The following CTNNBL1 variants were observed in gnomAD, a reference collection of about 807,000 sequenced individuals.
CTNNBL1 encodes catenin beta like 1.
Under a neutral mutation model 72.7 loss-of-function variants are expected in CTNNBL1, and 31 were observed. That is an observed-to-expected ratio of 0.43 (90% CI 0.32 to 0.58). The LOEUF (loss-of-function observed/expected upper bound fraction) is 0.58. Among genes scored for constraint, CTNNBL1 ranks in the 20% least tolerant of loss-of-function variants. The pLI is 0.08. For synonymous variants in CTNNBL1, 240 were observed against 267.3 expected, an observed-to-expected ratio of 0.90 and a Z score of 1.00; for missense variants, 534 against 725.1, an observed-to-expected ratio of 0.74 and a Z score of 3.03.
intron 4 of CTNNBL1, among the ~76,000 whole-genome samples, chr20:37,754,914 T>G (rs1423515948): frequency 1.3e-5 from 2 of 151,960 alleles, no homozygotes; most frequent in Non-Finnish European, 2.9e-5. Flanking sequence ...TTCAAACAAT[T>G]CTCCTGCCTC....
chr20:37,804,793 T>C (rs2071938726), intron 11 of CTNNBL1, among the ~76,000 whole-genome samples: 1 of 152,244 alleles, frequency 6.6e-6, no homozygotes, highest in Non-Finnish European at 1.5e-5. Flanking sequence ...ACAGATTCAG[T>C]GAGCAGCTGC....
intron 4 of CTNNBL1, 142 bp from the exon 5 acceptor site, chr20:37,757,417 G>T (rs2073374645): frequency 3.7e-6 from 2 of 545,508 alleles, no homozygotes; most frequent in Non-Finnish European, 6.6e-6. Context: ...GTAGAACCTT[G>T]TTGAAGAGAT....
At chr20:37,861,971 G>A (rs920226871) in intron 15 of CTNNBL1, among the ~76,000 whole-genome samples, 4 of 152,204 alleles carry the variant, frequency 2.6e-5, no homozygotes, top group African/African-American at 9.7e-5. Context: ...AGCAGTGTGA[G>A]TGAAGGCATA....
chr20:37,741,997 T>A (rs1476062059), intron 3 of CTNNBL1, among the ~76,000 whole-genome samples: 4 of 152,292 alleles, frequency 2.6e-5, no homozygotes, highest in South Asian at 4.2e-4. Flanking sequence ...TTTTTTTTTT[T>A]AATGTCATCC....
chr20:37,727,000 C>T (rs757328724), intron 1 of CTNNBL1, among the ~76,000 whole-genome samples: 2 of 152,098 alleles, frequency 1.3e-5, no homozygotes, highest in East Asian at 3.9e-4. Context: ...ATATAGATTG[C>T]GTGCTCAGAG....
intron 15 of CTNNBL1, among the ~76,000 whole-genome samples, chr20:37,864,880 G>C (rs1249006878): frequency 1.3e-5 from 2 of 152,050 alleles, no homozygotes; most frequent in Non-Finnish European, 2.9e-5. Context: ...GTCACTTACC[G>C]AGCTCCTACC....
chr20:37,777,688 C>T lies in CTNNBL1; in HGVS notation c.858C>T (p.Ile286=), dbSNP rs762103059. Residue 286 remains isoleucine (I), a synonymous_variant, in exon 9 of 16, where the codon ATC becomes ATT. Coordinates refer to ENST00000361383, the MANE Select transcript of CTNNBL1 (RefSeq NM_030877.5). ...NRELLGELDG[I]DVLLQQLSVF... ...AATTGCTTGGGGAGCTGGATGGAAT[C>T]GATGTGCTTCTTCAGCAGTTATCCG... The T allele has an allele frequency of 2.5e-6, 4 of 1,613,564 alleles. No individual in the cohort carries two copies. Among genetic ancestry groups the T allele is most frequent in the Admixed American group, 1.7e-5 (1 of 59,986 alleles).
intron 1 of CTNNBL1, among the ~76,000 whole-genome samples, chr20:37,694,544 T>G (rs1366235892): frequency 1.3e-5 from 2 of 152,226 alleles, no homozygotes; most frequent in Non-Finnish European, 1.5e-5. Flanking sequence ...CTCCACTGAC[T>G]GGCTATGTGG....
chr20:37,808,222 T>C (rs1402902280), intron 11 of CTNNBL1, among the ~76,000 whole-genome samples: 1 of 152,128 alleles, frequency 6.6e-6, no homozygotes, highest in Non-Finnish European at 1.5e-5. Flanking sequence ...CAGCAAAGAA[T>C]TGTAAGTGAT....
chr20:37,697,423 A>G (rs551140617), intron 1 of CTNNBL1, among the ~76,000 whole-genome samples: 1 of 152,298 alleles, frequency 6.6e-6, no homozygotes, highest in African/African-American at 2.4e-5. Flanking sequence ...AACAGCAAGT[A>G]TGGACATAGG....
At chr20:37,739,630 A>G (rs2073197944) in intron 3 of CTNNBL1, among the ~76,000 whole-genome samples, 1 of 152,216 alleles carries the variant, frequency 6.6e-6, no homozygotes, top group African/African-American at 2.4e-5. Context: ...TCCCCCCAGC[A>G]GCAGCATCTC....
Position 37,754,574 on chromosome 20 carries a change from G to A in CTNNBL1, c.467-2985G>A, listed in dbSNP as rs143715539. On this transcript the variant is annotated intron_variant, in intron 4 of 15. Coordinates refer to ENST00000361383, the MANE Select transcript of CTNNBL1 (RefSeq NM_030877.5). The stretch of plus-strand genomic sequence containing the variant: ...GAGTTTCTTGGAAGAGTGGGGAGGT[G>A]TTAACATTTTATTCTTTTCCTTGAG... Among the ~76,000 whole-genome samples the A allele has an allele frequency of 1.8e-3, 271 of 152,164 alleles. 3 individuals are homozygous for A. Among genetic ancestry groups the A allele is most frequent in the African/African-American group, 6.4e-3 (264 of 41,522 alleles).
At chr20:37,855,026 C>T (rs1301711996) in intron 13 of CTNNBL1, among the ~76,000 whole-genome samples, 1 of 151,294 alleles carries the variant, frequency 6.6e-6, no homozygotes. Flanking sequence ...AGTTATTATC[C>T]AGACTGCCTC....
At chr20:37,799,083 C>T (rs1316518131) in intron 10 of CTNNBL1, among the ~76,000 whole-genome samples, 1 of 152,182 alleles carries the variant, frequency 6.6e-6, no homozygotes, top group African/African-American at 2.4e-5. Flanking sequence ...TCATGCTTCT[C>T]TCAAATAGGC....
intron 1 of CTNNBL1, among the ~76,000 whole-genome samples, chr20:37,731,461 C>T (rs932973254): frequency 3.5e-4 from 53 of 152,302 alleles, no homozygotes; most frequent in African/African-American, 8.9e-4. Context: ...TCTTGAACTC[C>T]TGACCTCAGG....
intron 4 of CTNNBL1, among the ~76,000 whole-genome samples, chr20:37,753,059 G>A (rs185517097): frequency 2.0e-5 from 3 of 152,204 alleles, no homozygotes; most frequent in Admixed American, 1.3e-4. Context: ...TTGAGAGTTT[G>A]TCTGTCTTTA....
intron 3 of CTNNBL1, among the ~76,000 whole-genome samples, chr20:37,744,031 C>T (rs2073241426): frequency 6.6e-6 from 1 of 151,764 alleles, no homozygotes; most frequent in Non-Finnish European, 1.5e-5. Flanking sequence ...AAAGGGCAAA[C>T]ACTTTTCTCT....
At chr20:37,750,960 G>C (rs916946778) in intron 4 of CTNNBL1, 2 of 152,210 alleles carry the variant, frequency 1.3e-5, no homozygotes, top group African/African-American at 4.8e-5. Flanking sequence ...TGGCTTGGGG[G>C]TGTGGGGAGT....
chr20:37,706,506 C>G (rs1160960448), intron 1 of CTNNBL1, among the ~76,000 whole-genome samples: 1 of 152,214 alleles, frequency 6.6e-6, no homozygotes, highest in Non-Finnish European at 1.5e-5. Context: ...CCTTAGGAAA[C>G]ATTCCATTCA....
Sources: allele counts gnomAD v4.1 joint callset (sites outside exome capture counted in the v4.1 genomes callset), GRCh38; gene constraint gnomAD v4.1.1; transcripts MANE v1.5; gene names NCBI Gene and HGNC (gene_info 2026-07-23, HGNC 2026-07-21).